Variants in PID1 observed in about 807,000 individuals in gnomAD.
PID1 encodes PTB-containing, cubilin and LRP1-interacting protein.
Under a neutral mutation model 19.1 loss-of-function variants are expected in PID1, and 10 were observed. That is an observed-to-expected ratio of 0.52 (90% CI 0.32 to 0.89). The LOEUF (loss-of-function observed/expected upper bound fraction) is 0.89, where lower values mean the gene tolerates loss of function less well. Among genes scored for constraint, PID1 ranks in the 40% least tolerant of loss-of-function variants. PID1 has a pLI of 0.03. For synonymous variants in PID1, 130 were observed against 116.0 expected, an observed-to-expected ratio of 1.12 and a Z score of -0.78; for missense variants, 248 against 285.3, an observed-to-expected ratio of 0.87 and a Z score of 0.94.
chr2:229,098,719 G>A (rs985969144), intron 2 of PID1, among the ~76,000 whole-genome samples: 3 of 152,102 alleles, frequency 2.0e-5, no homozygotes, highest in Non-Finnish European at 2.9e-5. Flanking sequence ...GTTCAAGCAG[G>A]CTTTCCAAAG....
At position 229,210,525 on chromosome 2, in the gene PID1, C is replaced by CAAAAAAAA. The variant is rs1170895327; in HGVS notation, c.31-54569_31-54562dup. ...AAGCTCCCAGGCTGGAGTTTTGTCT[C>CAAAAAAAA]AAAAAAAAAAAAAAAAAAAAAAAAA... is the stretch of plus-strand genomic sequence containing the variant. On this transcript the variant is annotated intron_variant, in intron 1 of 2. Transcript: ENST00000392055. Among the ~76,000 whole-genome samples the CAAAAAAAA allele has an allele frequency of 1.5e-3, 24 of 15,542 alleles. 1 individual carries two copies. Among genetic ancestry groups the CAAAAAAAA allele is most frequent in the African/African-American group, 1.4e-3 (5 of 3,618 alleles). The allele number at this position is 15,542 out of a possible 152,430, so 10.2% of individuals were successfully genotyped here.
At position 229,246,389 on chromosome 2, in the gene PID1, C is replaced by T. The variant is rs115060047; in HGVS notation, c.30+24625G>A. 2.5e-3 allele frequency among the ~76,000 whole-genome samples: 381 copies of T among 152,128 alleles called. 1 individual carries two copies. The highest frequency in any genetic ancestry group is 8.6e-3 in the African/African-American group (355 of 41,498). ...AAATAATGGAATATCATGCAATATC[C>T]CTGCAAGGTCCATTTTCAGGCCCAT... is the stretch of plus-strand genomic sequence containing the variant. On this transcript the variant is annotated intron_variant, in intron 1 of 2. Coordinates refer to ENST00000392055, the MANE Select transcript of PID1 (RefSeq NM_001100818.2).
At chr2:229,053,223 A>T (rs1438089911) in intron 2 of PID1, among the ~76,000 whole-genome samples, 2 of 152,086 alleles carry the variant, frequency 1.3e-5, no homozygotes, top group African/African-American at 4.8e-5. Flanking sequence ...TTGACTGGAC[A>T]TTTCTCATAC....
rs1690728857 is a variant in PID1, at chr2:229,271,164, G to A, written c.-121C>T. ...GTGTCCGCGGGATGTGCGTCCTGGC[G>A]CTGGCCACCGCCGCCGGGTGGGCGT... On this transcript the variant is annotated 5_prime_UTR_variant, in exon 1 of 3. Coordinates refer to ENST00000392055, the MANE Select transcript of PID1 (RefSeq NM_001100818.2). 1.8e-6 allele frequency: 2 copies of A among 1,118,432 alleles called. No homozygotes were observed. The allele number at this position is 1,118,432 out of a possible 1,614,324, so 69.3% of individuals were successfully genotyped here. A position where few individuals can be genotyped will look rare whatever the true frequency, so the allele number is the denominator to read the frequency against.
At chr2:229,132,642 G>A (rs1215161128) in intron 2 of PID1, among the ~76,000 whole-genome samples, 1 of 152,102 alleles carries the variant, frequency 6.6e-6, no homozygotes, top group Non-Finnish European at 1.5e-5. Flanking sequence ...TGTTTGATTA[G>A]GAGCATTAAT....
chr2:229,267,296 A>G (rs1396262051), intron 1 of PID1, among the ~76,000 whole-genome samples: 1 of 152,232 alleles, frequency 6.6e-6, no homozygotes, highest in Non-Finnish European at 1.5e-5. Flanking sequence ...AGGATGAAAA[A>G]GGAAGTAATG....
intron 2 of PID1, among the ~76,000 whole-genome samples, chr2:229,118,910 A>G (rs1391000101): frequency 6.6e-6 from 1 of 152,226 alleles, no homozygotes; most frequent in Admixed American, 6.5e-5. Context: ...TCTCAAGAGT[A>G]AGAGTCTGAA....
At chr2:229,087,601 T>C (rs1238931768) in intron 2 of PID1, among the ~76,000 whole-genome samples, 2 of 152,210 alleles carry the variant, frequency 1.3e-5, no homozygotes, top group Non-Finnish European at 2.9e-5. Flanking sequence ...CATCAATAAA[T>C]GTTCCTCGAA....
At chr2:229,047,673 A>G (rs888626542) in intron 2 of PID1, among the ~76,000 whole-genome samples, 2 of 152,228 alleles carry the variant, frequency 1.3e-5, no homozygotes, top group African/African-American at 4.8e-5. Flanking sequence ...GCCTTGGAAA[A>G]TAAGGACTGT....
intron 1 of PID1, among the ~76,000 whole-genome samples, chr2:229,252,473 T>C (rs959344918): frequency 2.1e-4 from 32 of 152,110 alleles, no homozygotes; most frequent in African/African-American, 7.7e-4. Context: ...AGCAAATACA[T>C]ATCTCATGGG....
intron 2 of PID1, among the ~76,000 whole-genome samples, chr2:229,035,818 C>T (rs1054294615): frequency 2.6e-5 from 4 of 152,136 alleles, no homozygotes; most frequent in African/African-American, 9.7e-5. Flanking sequence ...CAGCAAAAAG[C>T]AATAGGCACC....
chr2:229,178,647 C>T (rs1690875935), intron 1 of PID1, among the ~76,000 whole-genome samples: 1 of 151,992 alleles, frequency 6.6e-6, no homozygotes, highest in Non-Finnish European at 1.5e-5. Flanking sequence ...TGAATGTTTA[C>T]TAATTATATC....
intron 2 of PID1, among the ~76,000 whole-genome samples, chr2:229,084,110 A>C (rs1694719343): frequency 6.6e-6 from 1 of 152,184 alleles, no homozygotes. Context: ...TGGCTGACAC[A>C]GTGTTTATTA....
intron 2 of PID1, among the ~76,000 whole-genome samples, chr2:229,140,927 G>A (rs1689998468): frequency 6.6e-6 from 1 of 151,908 alleles, no homozygotes; most frequent in Non-Finnish European, 1.5e-5. Flanking sequence ...AAGAAAAAAT[G>A]AGTAGGGTTC....
intron 2 of PID1, among the ~76,000 whole-genome samples, chr2:229,028,831 T>C (rs1468766731): frequency 6.6e-6 from 1 of 152,204 alleles, no homozygotes; most frequent in African/African-American, 2.4e-5. Context: ...TTATGAGCTG[T>C]TGCCCAAACA....
intron 1 of PID1, among the ~76,000 whole-genome samples, chr2:229,179,669 C>CCAA (rs939411238): frequency 1.3e-5 from 2 of 152,080 alleles, no homozygotes; most frequent in South Asian, 2.1e-4. Context: ...TGCAAGATTC[C>CCAA]CAACAACAAC....
At chr2:229,124,638 G>T (rs144322864) in intron 2 of PID1, among the ~76,000 whole-genome samples, 230 of 151,698 alleles carry the variant, frequency 1.5e-3, no homozygotes, top group African/African-American at 5.0e-3. Flanking sequence ...CACATCCTTG[G>T]ACATATTTCT....
intron 2 of PID1, among the ~76,000 whole-genome samples, chr2:229,062,231 A>G (rs190879211): frequency 1.4e-4 from 22 of 152,090 alleles, no homozygotes; most frequent in Non-Finnish European, 7.4e-5. Flanking sequence ...GGGCTTTTGT[A>G]TACGGACTTT....
At chr2:229,037,469 T>A (rs1281843553) in intron 2 of PID1, among the ~76,000 whole-genome samples, 2 of 152,180 alleles carry the variant, frequency 1.3e-5, no homozygotes, top group Admixed American at 1.3e-4. Context: ...ACTTGAGATT[T>A]TGTGCCCCAT....
Sources: allele counts gnomAD v4.1 joint callset (sites outside exome capture counted in the v4.1 genomes callset), GRCh38; gene constraint gnomAD v4.1.1; transcripts MANE v1.5; gene names NCBI Gene and HGNC (gene_info 2026-07-23, HGNC 2026-07-21).